LAMA3: variants seen among roughly 807,000 people sequenced by gnomAD.
LAMA3 encodes the protein laminin subunit alpha-3.
LAMA3 carries 281 observed loss-of-function variants against 402.0 expected under a neutral mutation model. The ratio of observed to expected loss-of-function variants is 0.70; its 90% CI spans 0.63 to 0.77. LAMA3 has a LOEUF of 0.77. LAMA3 is among the 30% of genes least tolerant of loss of function. LAMA3 has a pLI of 0.00. For synonymous variants in LAMA3, 1,431 were observed against 1,558.4 expected, an observed-to-expected ratio of 0.92 and a Z score of 1.93; for missense variants, 3,840 against 4,215.5, an observed-to-expected ratio of 0.91 and a Z score of 2.47.
chr18:23,923,298 A>G (rs1000772651), intron 62 of LAMA3, among the ~76,000 whole-genome samples: 2 of 152,232 alleles, frequency 1.3e-5, no homozygotes, highest in African/African-American at 4.8e-5. Context: ...CAGAGACTGG[A>G]TTAGAGAAGA....
chr18:23,829,335 T>C (rs1355380702), intron 23 of LAMA3, among the ~76,000 whole-genome samples: 1 of 152,272 alleles, frequency 6.6e-6, no homozygotes, highest in Non-Finnish European at 1.5e-5. Context: ...TCTTTCTTAA[T>C]ATTCAATTTA....
At chr18:23,954,451 T>C in intron 74 of LAMA3, 52 bp from the exon 75 acceptor site, 1 of 1,403,164 alleles carries the variant, frequency 7.1e-7, no homozygotes. Flanking sequence ...CAGGGAACAG[T>C]CCCTGGACAG....
chr18:23,769,506 G>GAT (rs1457284645), intron 8 of LAMA3, among the ~76,000 whole-genome samples: 1 of 152,150 alleles, frequency 6.6e-6, no homozygotes, highest in Admixed American at 6.5e-5. Context: ...AGACGTGAAG[G>GAT]ATATATATTG....
At position 23,713,999 on chromosome 18, in the gene LAMA3, G is replaced by A. The variant is rs374056674; in HGVS notation, c.374G>A (p.Arg125His). ...ACCAATGCCATCGATGGATCTGAACGTTGGTGGCAAAGCCCTCCCCTGTCC... is the reference window on the plus strand; with the variant it reads ...ACCAATGCCATCGATGGATCTGAACATTGGTGGCAAAGCCCTCCCCTGTCC... ...PVTNAIDGSE[R>H]WWQSPPLSSG... is the part of the protein sequence containing the mutation. The change falls in exon 2 of 75, where the codon CGT becomes CAT. Residue 125 changes from arginine to histidine, a missense_variant. Physicochemically the swap from Arg to His is conservative, Grantham distance 29 (BLOSUM62 0). Transcript: ENST00000313654. 21 of 1,613,532 alleles carry A rather than the reference G, an allele frequency of 1.3e-5. No homozygotes were observed. The East Asian group carries it at 2.0e-4, about 15-fold the overall frequency.
intron 8 of LAMA3, among the ~76,000 whole-genome samples, chr18:23,772,065 G>C (rs11082751): frequency 1.4e-5 from 2 of 145,938 alleles, no homozygotes; most frequent in South Asian, 2.2e-4. Context: ...TTTTTGAGAC[G>C]GAGTCTTGCT....
intron 44 of LAMA3, among the ~76,000 whole-genome samples, chr18:23,896,178 A>G (rs1265726611): frequency 2.0e-5 from 3 of 152,166 alleles, no homozygotes; most frequent in African/African-American, 7.2e-5. Context: ...TCTACTAAAA[A>G]TACAAAAATT....
intron 68 of LAMA3, among the ~76,000 whole-genome samples, chr18:23,941,336 C>G (rs1418695041): frequency 1.4e-5 from 2 of 144,574 alleles, no homozygotes; most frequent in African/African-American, 2.5e-5. Flanking sequence ...GCCCCCCCCC[C>G]GCCCGGCAGC....
intron 7 of LAMA3, among the ~76,000 whole-genome samples, chr18:23,760,309 T>G (rs2061942796): frequency 6.6e-6 from 1 of 152,194 alleles, no homozygotes; most frequent in Non-Finnish European, 1.5e-5. Flanking sequence ...ATAAACAGAC[T>G]TCTTAACTGA....
chr18:23,939,704 G>A (rs1451273100), intron 68 of LAMA3, among the ~76,000 whole-genome samples: 1 of 152,152 alleles, frequency 6.6e-6, no homozygotes, highest in African/African-American at 2.4e-5. Flanking sequence ...TTATTTCCAT[G>A]ATAAATCACC....
At chr18:23,898,552 G>A (rs568335889) in intron 44 of LAMA3, 186 bp from the exon 45 acceptor site, 1 of 609,684 alleles carries the variant, frequency 1.6e-6, no homozygotes, top group Admixed American at 2.8e-5. Context: ...TTATTTTAGA[G>A]CCATATCACA....
chr18:23,698,935 C>A (rs550872184), intron 1 of LAMA3, among the ~76,000 whole-genome samples: 29 of 151,734 alleles, frequency 1.9e-4, no homozygotes, highest in Non-Finnish European at 2.9e-4. Context: ...AAACAGGATT[C>A]TGTGATAAAA....
intron 27 of LAMA3, among the ~76,000 whole-genome samples, chr18:23,840,325 C>T (rs2063669851): frequency 6.6e-6 from 1 of 151,286 alleles, no homozygotes; most frequent in African/African-American, 2.4e-5. Flanking sequence ...TAGTTTTCTT[C>T]CCAAGTTGGA....
chr18:23,863,691 G>A (rs139381912), intron 35 of LAMA3, among the ~76,000 whole-genome samples: 14 of 152,306 alleles, frequency 9.2e-5, no homozygotes, highest in African/African-American at 2.9e-4. Context: ...CTAGAAGAGC[G>A]TGGCTTCTTT....
At chr18:23,864,085 C>A (rs1458228672) in intron 35 of LAMA3, among the ~76,000 whole-genome samples, 1 of 151,988 alleles carries the variant, frequency 6.6e-6, no homozygotes, top group Non-Finnish European at 1.5e-5. Context: ...TTATCCAGTT[C>A]TCTCAGTTAA....
chr18:23,743,294 T>TC (rs1050928797), intron 2 of LAMA3, among the ~76,000 whole-genome samples: 4 of 151,988 alleles, frequency 2.6e-5, no homozygotes, highest in South Asian at 4.2e-4. Context: ...GGCAGAGATA[T>TC]CCCCCCCAGG....
At chr18:23,717,542 C>CTTTTTTT (rs138974380) in intron 2 of LAMA3, among the ~76,000 whole-genome samples, 3 of 64,908 alleles carry the variant, frequency 4.6e-5, no homozygotes, top group Non-Finnish European at 8.5e-5. Context: ...TGGACTTGAT[C>CTTTTTTT]TTTTTTTTTT....
At chr18:23,713,320 T>C (rs1307257750) in intron 1 of LAMA3, among the ~76,000 whole-genome samples, 2 of 152,212 alleles carry the variant, frequency 1.3e-5, no homozygotes, top group African/African-American at 4.8e-5. Context: ...ATGCTTTCCC[T>C]GTTTGTGCTC....
chr18:23,945,686 G>A (rs1014350243), intron 69 of LAMA3, among the ~76,000 whole-genome samples: 19 of 152,108 alleles, frequency 1.2e-4, no homozygotes, highest in African/African-American at 4.1e-4. Flanking sequence ...TTAGCAAAGA[G>A]TTTAAACACT....
Position 23,879,622 on chromosome 18 carries a change from C to A in LAMA3, c.5113-2314C>A, listed in dbSNP as rs979110303. Among the ~76,000 whole-genome samples, 1 of 152,188 alleles carries A rather than the reference C, an allele frequency of 6.6e-6. No homozygotes were observed. Among genetic ancestry groups the A allele is most frequent in the Non-Finnish European group, 1.5e-5 (1 of 68,036 alleles). Reference sequence around the variant, plus strand: ...GGTGACAAATGGAGCTAGGAGAGCACGTGCCATGGGAGTGGACGTGGGCTT... The same window carrying A: ...GGTGACAAATGGAGCTAGGAGAGCAAGTGCCATGGGAGTGGACGTGGGCTT... On this transcript the variant is annotated intron_variant, in intron 39 of 74. Transcript: ENST00000313654. The surrounding 1 kb of genome is among the most constrained non-coding windows in gnomAD (Gnocchi z 4.2).
Sources: gnomAD v4.1 joint callset for allele counts (sites outside exome capture counted in the v4.1 genomes callset) on GRCh38, gnomAD v4.1.1 for gene constraint, Gnocchi (gnomAD v3.1) non-coding constraint, MANE v1.5 for transcripts, NCBI Gene and HGNC (gene_info 2026-07-23, HGNC 2026-07-21) for gene names.